PPEF1: variants seen among roughly 807,000 people sequenced by gnomAD.
The protein encoded by PPEF1 is serine/threonine-protein phosphatase with EF-hands 1.
Under a neutral mutation model 53.3 loss-of-function variants are expected in PPEF1, and 12 were observed. The ratio of observed to expected loss-of-function variants is 0.23; its 90% CI spans 0.14 to 0.36. The LOEUF (loss-of-function observed/expected upper bound fraction) is 0.36, where lower values mean the gene tolerates loss of function less well. Ranked by LOEUF, PPEF1 falls within the 10% of genes least tolerant of loss-of-function variation. The probability of loss-of-function intolerance (pLI) is 1.00; values close to 1 mark genes in which losing one functional copy is unlikely to be tolerated. For missense variants in PPEF1, 334 were observed against 490.4 expected (o/e 0.68, Z 3.01); for synonymous variants, 165 against 176.7 (o/e 0.93, Z 0.52).
chrX:18,742,128 A>C (rs5909220), intron 3 of PPEF1, among the ~76,000 whole-genome samples: 1 of 109,669 alleles, frequency 9.1e-6, no homozygotes, highest in East Asian at 2.9e-4. Context: ...TCATCATTAC[A>C]TTTGTAAGAA....
rs1213488744 is a variant in PPEF1, at chrX:18,717,394, A to C, written c.46+9568A>C. On this transcript the variant is annotated intron_variant, in intron 1 of 15. Transcript: ENST00000470157. Reference sequence around the variant, plus strand: ...ATTCAGAATTTCCCAGTTGTCCAAAATTGCCCTTTGTAACTGTTCTTTCCT... The same window carrying C: ...ATTCAGAATTTCCCAGTTGTCCAAACTTGCCCTTTGTAACTGTTCTTTCCT... Among the ~76,000 whole-genome samples, 5 of 108,338 alleles carry C rather than the reference A, an allele frequency of 4.6e-5. No homozygotes were observed. The Admixed American group carries it at 5.1e-4, about 11-fold the overall frequency. The allele number at this position is 108,338 out of a possible 115,157, so 94.1% of individuals were successfully genotyped here. A position where few individuals can be genotyped will look rare whatever the true frequency, so the allele number is the denominator to read the frequency against.
rs182342069 is a variant in PPEF1, at chrX:18,784,164, A to G, written c.912+116A>G. ...TAGTGGTTGTAACTCTAAAAAGATT[A>G]TAGATTTTATTAGAGTATATAAAAG... On this transcript the variant is annotated intron_variant, in intron 9 of 15. Transcript: ENST00000470157. The G allele has an allele frequency of 5.4e-3, 3,671 of 673,889 alleles. 5 individuals carry two copies. The highest frequency in any genetic ancestry group is 6.4e-3 in the Non-Finnish European group (3,128 of 487,280). 55.5% of individuals were successfully genotyped at this position (673,889 alleles called of 1,213,427 possible).
chrX:18,708,969 C>A (rs1203561688), intron 1 of PPEF1, among the ~76,000 whole-genome samples: 7 of 108,802 alleles, frequency 6.4e-5, no homozygotes, highest in African/African-American at 1.0e-4. Context: ...AAAAAAAAAG[C>A]CAAGTCCAAC....
At chrX:18,822,746 A>G (rs2047088531) in intron 13 of PPEF1, among the ~76,000 whole-genome samples, 1 of 111,271 alleles carries the variant, frequency 9.0e-6, no homozygotes, top group Non-Finnish European at 1.9e-5. Flanking sequence ...AAGGGGACTG[A>G]AATAAATGGG....
At position 18,688,590 on chromosome X, in the gene PPEF1, G is replaced by A. The variant is rs1325476722; in HGVS notation, c.-426+2359G>A. ...AGAAGTTTCACTACATTACTGACACGTCAGTTTGCTTATGATTATTATTTC... is the reference window on the plus strand; with the variant it reads ...AGAAGTTTCACTACATTACTGACACATCAGTTTGCTTATGATTATTATTTC... On this transcript the variant is annotated intron_variant, in intron 3 of 21. Transcript: ENST00000361511. 7 of 112,450 alleles carry A rather than the reference G, an allele frequency of 6.2e-5. No individual in the cohort carries two copies. In the South Asian group the frequency reaches 1.8e-3, roughly 29 times the overall value. The allele number at this position is 112,450 out of a possible 1,213,427, so 9.3% of individuals were successfully genotyped here.
intron 3 of PPEF1, among the ~76,000 whole-genome samples, chrX:18,744,294 C>T (rs1414696354): frequency 3.6e-5 from 4 of 111,996 alleles, no homozygotes; most frequent in Non-Finnish European, 5.6e-5. Context: ...TCTTGAGACA[C>T]GTTGGGTACT....
intron 1 of PPEF1, among the ~76,000 whole-genome samples, chrX:18,677,849 C>T (rs1248056798): frequency 9.0e-6 from 1 of 111,206 alleles, no homozygotes; most frequent in Non-Finnish European, 1.9e-5. Flanking sequence ...CACACATCCT[C>T]CCCCACCACC....
Position 18,736,876 on chromosome X carries a change from A to T in PPEF1, c.235+3068A>T, listed in dbSNP as rs1329755034. ...GTCTTGGGAGGGTGTATGTGTCCAG[A>T]AATTTATCCATTTCTTCTAGATTTT... On this transcript the variant is annotated intron_variant, in intron 3 of 15. Transcript: ENST00000470157. Among the ~76,000 whole-genome samples the T allele has an allele frequency of 3.0e-5, 3 of 101,608 alleles. No homozygotes were observed. In the Admixed American group the frequency reaches 3.2e-4, roughly 11 times the overall value. 88.2% of individuals were successfully genotyped at this position (101,608 alleles called of 115,157 possible). A position where few individuals can be genotyped will look rare whatever the true frequency, so the allele number is the denominator to read the frequency against.
At chrX:18,682,579 G>A (rs1006361026), upstream of PPEF1, among the ~76,000 whole-genome samples, 2 of 111,239 alleles carry the variant, frequency 1.8e-5, no homozygotes, top group Admixed American at 9.6e-5. Context: ...CTTACGCCCC[G>A]GCCCCAGTCA....
At chrX:18,826,874 G>A (rs2047181072) in intron 15 of PPEF1, among the ~76,000 whole-genome samples, 1 of 109,801 alleles carries the variant, frequency 9.1e-6, no homozygotes, top group Non-Finnish European at 1.9e-5. Context: ...TGTGAAAAAG[G>A]CAGCACCATT....
At chrX:18,741,130 A>G (rs1404962671) in intron 3 of PPEF1, among the ~76,000 whole-genome samples, 1 of 111,724 alleles carries the variant, frequency 9.0e-6, no homozygotes, top group Non-Finnish European at 1.9e-5. Flanking sequence ...AAACCTAAGG[A>G]ATGGGGAGTG....
chrX:18,738,066 G>C (rs973502038), intron 3 of PPEF1, among the ~76,000 whole-genome samples: 1 of 110,667 alleles, frequency 9.0e-6, no homozygotes, highest in African/African-American at 3.3e-5. Context: ...GATGGGTCTT[G>C]ACTCTTTATC....
Position 18,726,351 on chromosome X carries a change from C to CAAATAAATAAAT in PPEF1, c.47-3797_47-3786dup, listed in dbSNP as rs557593698. Among the ~76,000 whole-genome samples the CAAATAAATAAAT allele has an allele frequency of 4.1e-3, 385 of 94,758 alleles. 1 individual carries two copies. Among genetic ancestry groups the CAAATAAATAAAT allele is most frequent in the African/African-American group, 8.0e-3 (206 of 25,633 alleles). The allele number at this position is 94,758 out of a possible 115,157, so 82.3% of individuals were successfully genotyped here. On this transcript the variant is annotated intron_variant, in intron 1 of 15. Transcript: ENST00000470157. Reference sequence around the variant, plus strand: ...CTGGGCTACAGACGAGACTCTGACTCAAATAAATAAATAAATAAATAAATA... The same window carrying CAAATAAATAAAT: ...CTGGGCTACAGACGAGACTCTGACTCAAATAAATAAATAAATAAATAAATAAATAAATAAATA...
chrX:18,790,814 G>C (rs1305653059), intron 10 of PPEF1, among the ~76,000 whole-genome samples: 1 of 109,509 alleles, frequency 9.1e-6, no homozygotes, highest in East Asian at 2.9e-4. Context: ...TGGATTACAG[G>C]CATGCATTAC....
chrX:18,787,898 A>G (rs4825271), intron 9 of PPEF1, among the ~76,000 whole-genome samples: 1 of 111,202 alleles, frequency 9.0e-6, no homozygotes, highest in Non-Finnish European at 1.9e-5. Context: ...TAGGCTGTGA[A>G]CTAGCTAGCA....
intron 3 of PPEF1, among the ~76,000 whole-genome samples, chrX:18,746,764 A>G (rs2147450540): frequency 8.9e-6 from 1 of 112,091 alleles, no homozygotes; most frequent in Non-Finnish European, 1.9e-5. Context: ...ATCGTGTAGC[A>G]TAGTTACATT....
At chrX:18,827,218 C>G in intron 15 of PPEF1, 58 bp from the exon 16 acceptor site, 2 of 1,048,789 alleles carry the variant, frequency 1.9e-6, no homozygotes, top group Non-Finnish European at 2.6e-6. Flanking sequence ...GTTCCCCAAC[C>G]CTTGCCTTAG....
At chrX:18,787,988 G>C (rs1364884700) in intron 9 of PPEF1, among the ~76,000 whole-genome samples, 1 of 110,957 alleles carries the variant, frequency 9.0e-6, no homozygotes, top group Non-Finnish European at 1.9e-5. Flanking sequence ...GAAAAATAAA[G>C]GTAAGATTTC....
intron 1 of PPEF1, among the ~76,000 whole-genome samples, chrX:18,719,039 T>G (rs1319561071): frequency 8.9e-6 from 1 of 112,333 alleles, no homozygotes; most frequent in African/African-American, 3.2e-5. Flanking sequence ...ATTATTGAAT[T>G]ATTGAATAGA....
Sources: allele counts gnomAD v4.1 joint callset (sites outside exome capture counted in the v4.1 genomes callset), GRCh38; gene constraint gnomAD v4.1.1; transcripts MANE v1.5; gene names NCBI Gene and HGNC (gene_info 2026-07-23, HGNC 2026-07-21).